Variants in FAM168A observed in about 807,000 individuals in gnomAD.
FAM168A encodes protein FAM168A.
A neutral mutation model predicts 28.5 loss-of-function variants in FAM168A; 3 were observed. The ratio of observed to expected loss-of-function variants is 0.11; its 90% CI spans 0.05 to 0.27. The LOEUF (loss-of-function observed/expected upper bound fraction) is 0.27. FAM168A is among the 10% of genes least tolerant of loss of function. The pLI, the probability that FAM168A is intolerant of heterozygous loss-of-function variation, is 1.00. For missense variants in FAM168A, 222 were observed against 311.5 expected (o/e 0.71, Z 2.16); for synonymous variants, 122 against 124.2 (o/e 0.98, Z 0.12).
chr11:73,407,765 C>T (rs1410239075), intron 6 of FAM168A, 122 bp from the exon 7 acceptor site: 11 of 762,620 alleles, frequency 1.4e-5, no homozygotes, highest in Non-Finnish European at 2.3e-5. Context: ...TCTCCCTCGC[C>T]TTCCTGATGA....
At chr11:73,562,124 G>A (rs185714916) in intron 1 of FAM168A, among the ~76,000 whole-genome samples, 3 of 152,200 alleles carry the variant, frequency 2.0e-5, no homozygotes, top group Admixed American at 1.3e-4. Flanking sequence ...TGTATTTATA[G>A]TAGAGATAGG....
At chr11:73,587,756 A>C (rs1320416178) in intron 1 of FAM168A, among the ~76,000 whole-genome samples, 1 of 148,074 alleles carries the variant, frequency 6.8e-6, no homozygotes, top group East Asian at 2.0e-4. Context: ...CATTTAAAGC[A>C]TTTTTTTTTT....
chr11:73,585,343 T>G (rs969988917), intron 1 of FAM168A, among the ~76,000 whole-genome samples: 4 of 152,216 alleles, frequency 2.6e-5, no homozygotes, highest in Non-Finnish European at 5.9e-5. Context: ...ACATAGGAAT[T>G]ATGTACTATT....
chr11:73,434,469 GAT>G (rs1214527199), intron 2 of FAM168A, among the ~76,000 whole-genome samples: 1 of 152,226 alleles, frequency 6.6e-6, no homozygotes, highest in Non-Finnish European at 1.5e-5. Flanking sequence ...TAAAGGAAAT[GAT>G]AGTGTTAAGC....
At chr11:73,514,832 T>G (rs958493947) in intron 1 of FAM168A, among the ~76,000 whole-genome samples, 18 of 69,950 alleles carry the variant, frequency 2.6e-4, no homozygotes, top group Admixed American at 2.3e-3. Context: ...GACTCTGCCA[T>G]CCATCCATCC....
At chr11:73,421,489 G>A (rs949895459) in intron 3 of FAM168A, among the ~76,000 whole-genome samples, 1 of 152,206 alleles carries the variant, frequency 6.6e-6, no homozygotes, top group Non-Finnish European at 1.5e-5. Flanking sequence ...TCTGATAAGA[G>A]AAATGGAGAC....
chr11:73,593,936 T>A (rs1189222590), intron 1 of FAM168A, among the ~76,000 whole-genome samples: 1 of 152,232 alleles, frequency 6.6e-6, no homozygotes, highest in East Asian at 1.9e-4. Context: ...TGTCTATCTT[T>A]CCCATGACAC....
intron 1 of FAM168A, among the ~76,000 whole-genome samples, chr11:73,565,393 T>C (rs879868428): frequency 3.3e-5 from 5 of 152,210 alleles, no homozygotes; most frequent in Non-Finnish European, 7.3e-5. Flanking sequence ...TACTGATATT[T>C]CCACACATGC....
At chr11:73,494,361 G>A (rs1367666656) in intron 1 of FAM168A, among the ~76,000 whole-genome samples, 3 of 152,154 alleles carry the variant, frequency 2.0e-5, no homozygotes, top group African/African-American at 7.2e-5. Context: ...CTACTCAAAG[G>A]ACAAGAGATC....
At chr11:73,580,361 A>G in intron 1 of FAM168A, 2 of 599,340 alleles carry the variant, frequency 3.3e-6, no homozygotes, top group Non-Finnish European at 3.3e-6. Flanking sequence ...CTCCAAAGAT[A>G]GAGCCCAGGC....
intron 2 of FAM168A, among the ~76,000 whole-genome samples, chr11:73,442,793 T>G (rs911702711): frequency 6.7e-6 from 1 of 150,336 alleles, no homozygotes; most frequent in African/African-American, 2.4e-5. Context: ...GTATACGTGG[T>G]GTACAGTGTT....
At chr11:73,553,018 T>C (rs1308395324) in intron 1 of FAM168A, among the ~76,000 whole-genome samples, 2 of 152,186 alleles carry the variant, frequency 1.3e-5, no homozygotes, top group Admixed American at 6.5e-5. Context: ...TAATTTATCA[T>C]ACAATTTTAC....
intron 1 of FAM168A, among the ~76,000 whole-genome samples, chr11:73,472,323 AG>A (rs1867827237): frequency 6.6e-6 from 1 of 152,206 alleles, no homozygotes; most frequent in African/African-American, 2.4e-5. Context: ...AAACTGTCCA[AG>A]TAGAGGAAAC....
At chr11:73,559,451 C>T (rs76326170) in intron 1 of FAM168A, among the ~76,000 whole-genome samples, 1 of 140,762 alleles carries the variant, frequency 7.1e-6, no homozygotes, top group Non-Finnish European at 1.5e-5. Flanking sequence ...GAAACTGTCT[C>T]AAAAAAAAAA....
chr11:73,554,454 T>TAA (rs1191114383), intron 1 of FAM168A, among the ~76,000 whole-genome samples: 1 of 151,866 alleles, frequency 6.6e-6, no homozygotes, highest in East Asian at 1.9e-4. Flanking sequence ...CTTAATTATA[T>TAA]AAAATAAATA....
rs79430421 is a variant in FAM168A, at chr11:73,466,742, A to G, written c.70+1663T>C. ...ATTACGTAGAGTTGAGATTTTAAGA[A>G]AGAAAAAGAAATCCCTATTACTCAA... On this transcript the variant is annotated intron_variant, in intron 2 of 7. Coordinates refer to ENST00000356467, the MANE Select transcript of FAM168A (RefSeq NM_015159.3). Among the ~76,000 whole-genome samples, 850 of 152,290 alleles carry G rather than the reference A, an allele frequency of 5.6e-3. 19 individuals carry two copies. In the East Asian group the frequency reaches 0.072, roughly 13 times the overall value.
Position 73,505,170 on chromosome 11 carries a change from T to C in FAM168A, c.-18-36678A>G, listed in dbSNP as rs562128396. 4.0e-5 allele frequency among the ~76,000 whole-genome samples: 6 copies of C among 151,040 alleles called. No individual in the cohort carries two copies. The East Asian group carries it at 1.2e-3, about 29-fold the overall frequency. ...AGAAATATTATGCATACACATAATA[T>C]GGCCATTTTGCCAATAACATTCTGA... On this transcript the variant is annotated intron_variant, in intron 1 of 7. Transcript: ENST00000356467.
At chr11:73,441,215 C>T (rs1302354594) in intron 2 of FAM168A, among the ~76,000 whole-genome samples, 2 of 152,216 alleles carry the variant, frequency 1.3e-5, no homozygotes, top group African/African-American at 4.8e-5. Context: ...CATGCCACCA[C>T]GCTTGGCTAA....
At chr11:73,589,804 G>A in intron 1 of FAM168A, among the ~76,000 whole-genome samples, 1 of 152,176 alleles carries the variant, frequency 6.6e-6, no homozygotes, top group East Asian at 1.9e-4. Flanking sequence ...GCGCACGCCT[G>A]TAGTCCCAGC....
Sources: gnomAD v4.1 joint callset for allele counts (sites outside exome capture counted in the v4.1 genomes callset) on GRCh38, gnomAD v4.1.1 for gene constraint, MANE v1.5 for transcripts, NCBI Gene and HGNC (gene_info 2026-07-23, HGNC 2026-07-21) for gene names.